AHCTF1: variants seen among roughly 807,000 people sequenced by gnomAD.
The protein encoded by AHCTF1 is protein ELYS.
AHCTF1 carries 24 observed loss-of-function variants against 248.4 expected under a neutral mutation model. That is an observed-to-expected ratio of 0.10 (90% CI 0.07 to 0.14). The LOEUF (loss-of-function observed/expected upper bound fraction) is 0.14, where lower values mean the gene tolerates loss of function less well. Among genes scored for constraint, AHCTF1 ranks in the 10% least tolerant of loss-of-function variants. The pLI, the probability that AHCTF1 is intolerant of heterozygous loss-of-function variation, is 1.00. For synonymous variants in AHCTF1, 786 were observed against 929.8 expected (o/e 0.85, Z 2.81); for missense variants, 2,206 against 2,636.2 (o/e 0.84, Z 3.57).
At chr1:246,909,909 T>C (rs1665680477) in intron 4 of AHCTF1, among the ~76,000 whole-genome samples, 2 of 152,178 alleles carry the variant, frequency 1.3e-5, no homozygotes, top group African/African-American at 2.4e-5. Context: ...TCTTCTAACA[T>C]TGCCAAACAT....
intron 17 of AHCTF1, among the ~76,000 whole-genome samples, chr1:246,889,162 T>G (rs952859802): frequency 6.6e-6 from 1 of 152,210 alleles, no homozygotes; most frequent in African/African-American, 2.4e-5. Flanking sequence ...AGTTTCTGTT[T>G]CATCACTTGG....
chr1:246,844,727 G>T (rs957067567), intron 33 of AHCTF1, among the ~76,000 whole-genome samples: 1 of 151,354 alleles, frequency 6.6e-6, no homozygotes, highest in Non-Finnish European at 1.5e-5. Context: ...CTAACAGGAA[G>T]ATATTCCATA....
chr1:246,927,086 G>A (rs767601519), intron 1 of AHCTF1, among the ~76,000 whole-genome samples: 3 of 151,712 alleles, frequency 2.0e-5, no homozygotes, highest in Non-Finnish European at 2.9e-5. Context: ...GCTGAGGAGG[G>A]AGAATGGCGT....
chr1:246,846,411 G>T (rs1172896548), intron 33 of AHCTF1, among the ~76,000 whole-genome samples: 1 of 151,918 alleles, frequency 6.6e-6, no homozygotes, highest in African/African-American at 2.4e-5. Context: ...TTTGTTAAAG[G>T]AGTGAATACT....
rs1661576482 is a variant in AHCTF1 at position 246,861,847 on chromosome 1, T to C, written c.3735+112A>G. On this transcript the variant is annotated intron_variant, in intron 28 of 35. Transcript: ENST00000648844. ...TTTCATTACTAGCTACAAGATTATA[T>C]ACAAAAATCTATAGTGGTATTTAAA... The C allele has an allele frequency of 9.0e-6, 8 of 891,588 alleles. No individual in the cohort carries two copies. The Admixed American group carries it at 1.4e-4, about 16-fold the overall frequency. The allele number at this position is 891,588 out of a possible 1,614,324, so 55.2% of individuals were successfully genotyped here.
rs996898027 is a variant in AHCTF1, at chr1:246,876,885, A to C, written c.2937+65T>G. On this transcript the variant is annotated intron_variant, in intron 23 of 35. Coordinates refer to ENST00000648844, the MANE Select transcript of AHCTF1 (RefSeq NM_001323342.2). Reference sequence around the variant, plus strand: ...ACCAAACTGTAAGCTCTTATATAACAACCAAAAAAGCCTCCAGTTTTCCTT... The same window carrying C: ...ACCAAACTGTAAGCTCTTATATAACCACCAAAAAAGCCTCCAGTTTTCCTT... 8.9e-6 allele frequency: 14 copies of C among 1,574,004 alleles called. 2 individuals carry two copies. The highest frequency in any genetic ancestry group is 1.8e-5 in the Admixed American group (1 of 55,138).
intron 24 of AHCTF1, among the ~76,000 whole-genome samples, chr1:246,874,809 A>G (rs925397249): frequency 6.6e-6 from 1 of 152,194 alleles, no homozygotes; most frequent in Non-Finnish European, 1.5e-5. Flanking sequence ...CCTGAACAAC[A>G]TTAAAAAGTT....
chr1:246,917,191 G>A (rs1042454216), intron 2 of AHCTF1, among the ~76,000 whole-genome samples: 11 of 152,214 alleles, frequency 7.2e-5, no homozygotes, highest in African/African-American at 1.4e-4. Flanking sequence ...CTAGGTGACC[G>A]AATAGAGAAA....
chr1:246,909,063 A>G lies in AHCTF1; in HGVS notation c.557-1305T>C, dbSNP rs1023682389. 2.9e-5 allele frequency among the ~76,000 whole-genome samples: 4 copies of G among 138,536 alleles called. No homozygotes were observed. The South Asian group carries it at 6.9e-4, about 24-fold the overall frequency. The allele number at this position is 138,536 out of a possible 152,430, so 90.9% of individuals were successfully genotyped here. A position where few individuals can be genotyped will look rare whatever the true frequency, so the allele number is the denominator to read the frequency against. ...CCAAAAATATTAAACAGATAATTCT[A>G]TATCTATATATATCTATATCTATCT... is the stretch of plus-strand genomic sequence containing the variant. On this transcript the variant is annotated intron_variant, in intron 4 of 35. Transcript: ENST00000648844.
intron 1 of AHCTF1, among the ~76,000 whole-genome samples, chr1:246,924,016 G>A (rs926882735): frequency 6.6e-6 from 1 of 152,182 alleles, no homozygotes; most frequent in South Asian, 2.1e-4. Flanking sequence ...TGGCAAAAGA[G>A]AGATCCGAGG....
At position 246,862,056 on chromosome 1, in the gene AHCTF1, G is replaced by A. The variant is rs1174851179; in HGVS notation, c.3638C>T (p.Ala1213Val). 1 of 1,611,468 alleles carries A rather than the reference G, an allele frequency of 6.2e-7. No homozygotes were observed. The highest frequency in any genetic ancestry group is 8.5e-7 in the Non-Finnish European group (1 of 1,177,558). ...CCTTCCAGGTGATGGAGAGGGAGAT[G>A]CTAAAGGTGTTGATCGAAGAGTAGA... Reference protein sequence around the residue: ...LRSTLRSTPLASPSPSPGRSP... With the variant: ...LRSTLRSTPLVSPSPSPGRSP... The change falls in exon 28 of 36, where the codon GCA becomes GTA. Residue 1213 changes from alanine (A) to valine (V), a missense_variant. Coordinates refer to ENST00000648844, the MANE Select transcript of AHCTF1 (RefSeq NM_001323342.2).
chr1:246,904,225 T>G (rs1665224390), intron 6 of AHCTF1, among the ~76,000 whole-genome samples, 192 bp from the exon 7 acceptor site: 1 of 152,248 alleles, frequency 6.6e-6, no homozygotes, highest in South Asian at 2.1e-4. Flanking sequence ...TTATTATTGA[T>G]TCTAATCAAC....
intron 7 of AHCTF1, among the ~76,000 whole-genome samples, chr1:246,903,222 T>C (rs1665129036): frequency 6.6e-6 from 1 of 152,152 alleles, no homozygotes; most frequent in South Asian, 2.1e-4. Context: ...AAAATACAGC[T>C]ATTAGCAGCA....
intron 23 of AHCTF1, among the ~76,000 whole-genome samples, chr1:246,876,726 G>T (rs1256858411): frequency 6.6e-6 from 1 of 152,126 alleles, no homozygotes; most frequent in Admixed American, 6.6e-5. Context: ...GAGTGAAATG[G>T]CAATATTGTA....
At chr1:246,912,153 G>A (rs1665850330) in intron 4 of AHCTF1, among the ~76,000 whole-genome samples, 1 of 151,982 alleles carries the variant, frequency 6.6e-6, no homozygotes, top group Admixed American at 6.6e-5. Flanking sequence ...TAAATGAAAA[G>A]AGCTACACTG....
rs530836421 is a variant in AHCTF1 at position 246,860,408 on chromosome 1, A to C, written c.4132+491T>G. Reference sequence around the variant, plus strand: ...CTATTCTTTTCTAAATTTCACGGCCAAATAAAAAATGTAACACATAAGTTC... The same window carrying C: ...CTATTCTTTTCTAAATTTCACGGCCCAATAAAAAATGTAACACATAAGTTC... On this transcript the variant is annotated intron_variant, in intron 29 of 35. Coordinates refer to ENST00000648844, the MANE Select transcript of AHCTF1 (RefSeq NM_001323342.2). 2.0e-5 allele frequency among the ~76,000 whole-genome samples: 3 copies of C among 152,322 alleles called. No homozygotes were observed. The South Asian group carries it at 6.2e-4, about 32-fold the overall frequency.
intron 24 of AHCTF1, among the ~76,000 whole-genome samples, chr1:246,869,405 T>C (rs994349276): frequency 1.3e-5 from 2 of 152,210 alleles, no homozygotes; most frequent in Non-Finnish European, 2.9e-5. Context: ...AGACCTCTTA[T>C]GCCAGTTAGC....
At chr1:246,923,044 T>G (rs1486162389) in intron 1 of AHCTF1, among the ~76,000 whole-genome samples, 1 of 142,516 alleles carries the variant, frequency 7.0e-6, no homozygotes, top group Non-Finnish European at 1.5e-5. Flanking sequence ...ATAGTATTCT[T>G]AATAGCCAAA....
intron 1 of AHCTF1, among the ~76,000 whole-genome samples, chr1:246,927,351 C>T (rs1044185185): frequency 2.0e-5 from 3 of 151,938 alleles, no homozygotes; most frequent in African/African-American, 7.3e-5. Context: ...CAGCCAGCCA[C>T]GGCTGCATAC....
Sources: allele counts gnomAD v4.1 joint callset (sites outside exome capture counted in the v4.1 genomes callset), GRCh38; gene constraint gnomAD v4.1.1; transcripts MANE v1.5; gene names NCBI Gene and HGNC (gene_info 2026-07-23, HGNC 2026-07-21).